The following PRDM7 variants were observed in gnomAD, a reference collection of about 807,000 sequenced individuals.
The protein encoded by PRDM7 is PR/SET domain 7, also known as histone-lysine N-methyltransferase PRDM7.
A neutral mutation model predicts 64.3 loss-of-function variants in PRDM7; 52 were observed. That is an observed-to-expected ratio of 0.81 (90% CI 0.65 to 1.02). The LOEUF is 1.02. Ranked by LOEUF, PRDM7 falls within the 50% of genes least tolerant of loss-of-function variation. PRDM7 has a pLI of 0.00. For synonymous variants in PRDM7, 192 were observed against 210.1 expected (o/e 0.91, Z 0.74); for missense variants, 574 against 597.1 (o/e 0.96, Z 0.40).
At chr16:90,068,151 C>T (rs2037904742) in intron 4 of PRDM7, among the ~76,000 whole-genome samples, 1 of 149,980 alleles carries the variant, frequency 6.7e-6, no homozygotes, top group African/African-American at 2.5e-5. Context: ...TGGTGGCGGG[C>T]ACCTATAGTC....
Position 90,060,379 on chromosome 16 carries a change from C to A in PRDM7, c.1195G>T (p.Gly399Trp). Residue 399 changes from glycine to tryptophan, a missense_variant, in exon 10 of 11, where the codon GGG becomes TGG. By Grantham distance (184) the Gly-to-Trp change is radical. Transcript: ENST00000449207. ...GAGCTCTTTCTTCCACTTGCTGCCC[C>A]ACTTGATGCCCAGTTCCTGGCCATA... ...MSMARNWASS[G>W]AASGRKSSWQ... The A allele has an allele frequency of 6.2e-7, 1 of 1,613,954 alleles. No individual in the cohort carries two copies.
At chr16:90,069,608 T>G (rs1429405654) in intron 4 of PRDM7, among the ~76,000 whole-genome samples, 3 of 151,212 alleles carry the variant, frequency 2.0e-5, no homozygotes, top group Non-Finnish European at 2.9e-5. Context: ...AAACCATGTA[T>G]CTGATAAAGG....
At position 90,074,979 on chromosome 16, in the gene PRDM7, C is replaced by A; in HGVS notation, c.238G>T (p.Ala80Ser). 2 of 1,614,174 alleles carry A rather than the reference C, an allele frequency of 1.2e-6. No homozygotes were observed. The highest frequency in any genetic ancestry group is 2.2e-5 in the East Asian group (1 of 44,888). The stretch of plus-strand genomic sequence containing the variant: ...GTGTCATCCACCTGGAGTTTGATGG[C>A]CTGCCTTCGGTGACACATGAAAGCT... Reference protein sequence around the residue: ...RPAFMCHRRQAIKLQVDDTED... With the variant: ...RPAFMCHRRQSIKLQVDDTED... The change falls in exon 4 of 11, where the codon GCC (alanine) becomes TCC (serine). Residue 80 changes from alanine (A) to serine (S), a missense_variant. By Grantham distance (99) the Ala-to-Ser change is moderately conservative (BLOSUM62 1). Transcript: ENST00000449207.
At chr16:90,074,562 C>A (rs1382611143) in intron 4 of PRDM7, among the ~76,000 whole-genome samples, 3 of 151,148 alleles carry the variant, frequency 2.0e-5, no homozygotes, top group African/African-American at 7.3e-5. Context: ...GATGACAGAG[C>A]AAGACTCTGT....
intron 4 of PRDM7, among the ~76,000 whole-genome samples, chr16:90,068,540 C>T (rs954597480): frequency 2.0e-5 from 3 of 148,416 alleles, no homozygotes; most frequent in African/African-American, 7.7e-5. Flanking sequence ...GAGGCCGAGG[C>T]AGGAGAATGG....
intron 4 of PRDM7, among the ~76,000 whole-genome samples, chr16:90,068,610 G>A (rs2037913375): frequency 6.7e-6 from 1 of 149,506 alleles, no homozygotes; most frequent in South Asian, 2.1e-4. Flanking sequence ...ACTCCAGCCT[G>A]GATGACAGAG....
At position 90,060,765 on chromosome 16, in the gene PRDM7, C is replaced by G. The variant is rs185329413; in HGVS notation, c.951-142G>C. 46 of 1,184,494 alleles carry G rather than the reference C, an allele frequency of 3.9e-5. No homozygotes were observed. In the Admixed American group the frequency reaches 4.4e-4, roughly 11 times the overall value. The allele number at this position is 1,184,494 out of a possible 1,614,324, so 73.4% of individuals were successfully genotyped here. On this transcript the variant is annotated intron_variant, in intron 9 of 10. Coordinates refer to ENST00000449207, the MANE Select transcript of PRDM7 (RefSeq NM_001098173.2). ...TCAAAGCCCAACTCCAGACTTACCT[C>G]CACCTTGATTGGCCATAAAACACAT... is the stretch of plus-strand genomic sequence containing the variant.
rs1429987670 is a variant in PRDM7, at chr16:90,075,551, G to C, written c.70-77C>G. 15 of 1,610,114 alleles carry C rather than the reference G, an allele frequency of 9.3e-6. No individual in the cohort carries two copies. The highest frequency in any genetic ancestry group is 8.5e-6 in the Non-Finnish European group (10 of 1,176,692). ...GTCCTTTTCCTCTACCCTGCGTGTA[G>C]GGCATAGCCTGGGGCCTCTGGGAGT... On this transcript the variant is annotated intron_variant, in intron 2 of 10. Transcript: ENST00000449207. The surrounding 1 kb of genome is among the most constrained non-coding windows in gnomAD (Gnocchi z 4.3).
chr16:90,065,475 C>G (rs1471770719), intron 5 of PRDM7, among the ~76,000 whole-genome samples: 1 of 150,436 alleles, frequency 6.6e-6, no homozygotes, highest in East Asian at 1.9e-4. Flanking sequence ...TGGCTCACAT[C>G]TGTAATCCCA....
intron 5 of PRDM7, among the ~76,000 whole-genome samples, chr16:90,064,327 A>G (rs4785621): frequency 0.86 from 130,593 of 152,202 alleles, 56,639 homozygotes; most frequent in East Asian, 1. Context: ...TACCAATTCT[A>G]CTTGTCTGCT....
rs1225738971 is a variant in PRDM7 at position 90,056,874 on chromosome 16, T to C, written c.*1415A>G. 1 of 152,264 alleles carries C rather than the reference T, an allele frequency of 6.6e-6. No homozygotes were observed. Among genetic ancestry groups the C allele is most frequent in the Admixed American group, 6.5e-5 (1 of 15,280 alleles). 9.4% of individuals were successfully genotyped at this position (152,264 alleles called of 1,614,324 possible). A position where few individuals can be genotyped will look rare whatever the true frequency, so the allele number is the denominator to read the frequency against. On this transcript the variant is annotated 3_prime_UTR_variant, in exon 11 of 11. Transcript: ENST00000449207. ...GGCTTAGGTCAGGCCGGCCCAGGCC[T>C]GGTTTCGGGTCTGGTTCCTTGGTTT...
chr16:90,058,674 CT>C (rs2037720295), intron 10 of PRDM7, 140 bp from the exon 11 acceptor site: 5 of 992,672 alleles, frequency 5.0e-6, no homozygotes, highest in African/African-American at 1.6e-5. Context: ...CTGGATGGAC[CT>C]TTACAGTCCA....
chr16:90,065,256 G>A (rs1430026365), intron 5 of PRDM7, among the ~76,000 whole-genome samples: 1 of 148,912 alleles, frequency 6.7e-6, no homozygotes, highest in Admixed American at 6.7e-5. Flanking sequence ...AGCCGGGTGT[G>A]GTGGCGGGCG....
chr16:90,058,877 C>A (rs1027946862), intron 10 of PRDM7, among the ~76,000 whole-genome samples: 1 of 152,162 alleles, frequency 6.6e-6, no homozygotes, highest in African/African-American at 2.4e-5. Context: ...GTAAAGCCTT[C>A]CCTGATCACC....
chr16:90,061,843 T>C, intron 8 of PRDM7, 78 bp downstream of exon 8: 1 of 1,591,144 alleles, frequency 6.3e-7, no homozygotes, highest in East Asian at 2.2e-5. Context: ...TATCCTAACA[T>C]GTAGAAGGTG....
chr16:90,056,912 C>T lies in PRDM7; in HGVS notation c.*1377G>A, dbSNP rs546520740. On this transcript the variant is annotated 3_prime_UTR_variant, in exon 11 of 11. Coordinates refer to ENST00000449207, the MANE Select transcript of PRDM7 (RefSeq NM_001098173.2). ...GGTTCCTTGGTTTCAGGTCTGGTTC[C>T]TAGGCGCCAGGCTACCTGCCTTTAG... 6 of 152,384 alleles carry T rather than the reference C, an allele frequency of 3.9e-5. No individual in the cohort carries two copies. Among genetic ancestry groups the T allele is most frequent in the Middle Eastern group, 3.4e-3 (1 of 292 alleles). 9.4% of individuals were successfully genotyped at this position (152,384 alleles called of 1,614,324 possible). A position where few individuals can be genotyped will look rare whatever the true frequency, so the allele number is the denominator to read the frequency against.
chr16:90,056,724 G>C lies in PRDM7; in HGVS notation c.*1565C>G, dbSNP rs537847175. The stretch of plus-strand genomic sequence containing the variant: ...TGATCGATTGAGCAAGCAGGGGGTA[G>C]GTGACAGGGGCTGCATGCACCGATG... On this transcript the variant is annotated 3_prime_UTR_variant, in exon 11 of 11. Transcript: ENST00000449207. 16 of 152,326 alleles carry C rather than the reference G, an allele frequency of 1.1e-4. No individual in the cohort carries two copies. The highest frequency in any genetic ancestry group is 1.9e-4 in the African/African-American group (8 of 41,550). 9.4% of individuals were successfully genotyped at this position (152,326 alleles called of 1,614,324 possible).
Position 90,061,510 on chromosome 16 carries a change from C to G in PRDM7, c.892G>C (p.Gly298Arg), listed in dbSNP as rs2037777445. 6.2e-7 allele frequency: 1 copy of G among 1,603,746 alleles called. No homozygotes were observed. The highest frequency in any genetic ancestry group is 8.5e-7 in the Non-Finnish European group (1 of 1,170,588). The change falls in exon 9 of 11, where the codon GGG (glycine) becomes CGG (arginine). Residue 298 changes from glycine to arginine, a missense_variant. Gly to Arg is a moderately radical substitution (Grantham distance 125). Coordinates refer to ENST00000449207, the MANE Select transcript of PRDM7 (RefSeq NM_001098173.2). Reference sequence around the variant, plus strand: ...TCCACATACTCATAGCAGTTTCTCCCCTTGGTGATCTGAGTTTCAAAAAAT... The same window carrying G: ...TCCACATACTCATAGCAGTTTCTCCGCTTGGTGATCTGAGTTTCAAAAAAT... The part of the protein sequence containing the change: ...NSGYSWLITK[G>R]RNCYEYVDGK...
chr16:90,061,871 C>T, intron 8 of PRDM7, 50 bp downstream of exon 8: 1 of 1,610,974 alleles, frequency 6.2e-7, no homozygotes, highest in Non-Finnish European at 8.5e-7. Context: ...ATCAAAGGCA[C>T]AGAAGGGATG....
Sources: gnomAD v4.1 joint callset for allele counts (sites outside exome capture counted in the v4.1 genomes callset) on GRCh38, gnomAD v4.1.1 for gene constraint, Gnocchi (gnomAD v3.1) non-coding constraint, MANE v1.5 for transcripts, NCBI Gene and HGNC (gene_info 2026-07-23, HGNC 2026-07-21) for gene names.